The following ACYP2 variants were observed in gnomAD, a reference collection of about 807,000 sequenced individuals.
The protein encoded by ACYP2 is acylphosphatase-2.
ACYP2 carries 12 observed loss-of-function variants against 11.2 expected under a neutral mutation model. The observed-to-expected ratio is 1.08, with a 90% CI of 0.69 to 1.74. The LOEUF (loss-of-function observed/expected upper bound fraction) is 1.74. Ranked by LOEUF, ACYP2 falls within the 40% of genes most tolerant of loss-of-function variation. The pLI is 0.00. For synonymous variants in ACYP2, 43 were observed against 32.2 expected, an observed-to-expected ratio of 1.33 and a Z score of -1.13; for missense variants, 134 against 101.9, an observed-to-expected ratio of 1.31 and a Z score of -1.35.
chr2:53,977,734 C>CAA (rs56342315), intron 2 of ACYP2, among the ~76,000 whole-genome samples: 6 of 71,576 alleles, frequency 8.4e-5, no homozygotes, highest in Admixed American at 1.6e-4. Flanking sequence ...GACTCCATCT[C>CAA]AAAAAAAAAA....
chr2:54,002,175 C>G (rs1226836447), intron 2 of ACYP2, among the ~76,000 whole-genome samples: 1 of 152,182 alleles, frequency 6.6e-6, no homozygotes, highest in Non-Finnish European at 1.5e-5. Flanking sequence ...TCCTACTCTC[C>G]CTTAACACCT....
intron 5 of ACYP2, 89 bp downstream of exon 2, chr2:54,135,558 A>C: frequency 9.2e-7 from 1 of 1,086,266 alleles, no homozygotes; most frequent in Non-Finnish European, 1.4e-6. Flanking sequence ...ACTTGGCGCT[A>C]GTCTACTGTT....
chr2:54,194,704 G>C (rs1202002525), intron 6 of ACYP2, among the ~76,000 whole-genome samples: 1 of 151,710 alleles, frequency 6.6e-6, no homozygotes, highest in East Asian at 1.9e-4. Flanking sequence ...AACACTTTCT[G>C]TTGCTTTGTC....
intron 6 of ACYP2, among the ~76,000 whole-genome samples, chr2:54,178,340 G>T (rs1461412268): frequency 6.6e-6 from 1 of 152,098 alleles, no homozygotes; most frequent in Non-Finnish European, 1.5e-5. Context: ...TGGCTGGACC[G>T]TGAACCTTGA....
intron 2 of ACYP2, among the ~76,000 whole-genome samples, chr2:54,011,797 T>A (rs1051450027): frequency 6.6e-6 from 1 of 152,134 alleles, no homozygotes; most frequent in Non-Finnish European, 1.5e-5. Context: ...CTTGAGTAGC[T>A]CAGTAAGTTA....
chr2:54,095,383 C>A (rs1394213866), intron 4 of ACYP2, among the ~76,000 whole-genome samples: 1 of 152,278 alleles, frequency 6.6e-6, no homozygotes, highest in Non-Finnish European at 1.5e-5. Context: ...CTGGCCCGTT[C>A]TCAAGGAGCT....
At chr2:54,021,250 G>C (rs1213684305) in intron 2 of ACYP2, among the ~76,000 whole-genome samples, 2 of 152,148 alleles carry the variant, frequency 1.3e-5, no homozygotes, top group Non-Finnish European at 2.9e-5. Flanking sequence ...GCTGACCATG[G>C]GTGACTCAGG....
At chr2:54,089,017 G>T in intron 4 of ACYP2, among the ~76,000 whole-genome samples, 1 of 152,216 alleles carries the variant, frequency 6.6e-6, no homozygotes, top group East Asian at 1.9e-4. Context: ...TAGTAGGAAA[G>T]ATCAATAAAG....
intron 2 of ACYP2, among the ~76,000 whole-genome samples, chr2:54,035,009 CAAAAA>C (rs550142135): frequency 0.091 from 4,073 of 44,570 alleles, 147 homozygotes; most frequent in East Asian, 0.42. Context: ...GACTACATCT[CAAAAA>C]AAAAAAAAAA....
chr2:54,265,021 T>A (rs914847518), intron 6 of ACYP2, among the ~76,000 whole-genome samples: 1 of 152,166 alleles, frequency 6.6e-6, no homozygotes, highest in African/African-American at 2.4e-5. Context: ...AAAGAAAATA[T>A]AGCAAACTTT....
At chr2:54,274,625 CAAAAAAAAAA>C (rs70944155) in intron 6 of ACYP2, among the ~76,000 whole-genome samples, 19 of 37,690 alleles carry the variant, frequency 5.0e-4, no homozygotes, top group African/African-American at 1.7e-3. Context: ...GACTCCATCT[CAAAAAAAAAA>C]AAAAAAAAAA....
At chr2:54,071,196 G>A (rs1677023154) in intron 4 of ACYP2, among the ~76,000 whole-genome samples, 1 of 152,130 alleles carries the variant, frequency 6.6e-6, no homozygotes, top group Admixed American at 6.6e-5. Flanking sequence ...AATAGTGAAA[G>A]GCTGAAAGCT....
At chr2:54,230,523 C>T (rs1394021764) in intron 6 of ACYP2, among the ~76,000 whole-genome samples, 1 of 151,938 alleles carries the variant, frequency 6.6e-6, no homozygotes, top group African/African-American at 2.4e-5. Flanking sequence ...CGCCTGGCCA[C>T]ACCCGGCTAA....
At chr2:54,086,183 G>A (rs1677936248) in intron 4 of ACYP2, among the ~76,000 whole-genome samples, 1 of 152,258 alleles carries the variant, frequency 6.6e-6, no homozygotes, top group East Asian at 1.9e-4. Context: ...GACCTCAGGT[G>A]ATCCACCAGA....
chr2:54,252,947 A>C (rs756847872), intron 6 of ACYP2, among the ~76,000 whole-genome samples: 2 of 152,174 alleles, frequency 1.3e-5, no homozygotes, highest in African/African-American at 4.8e-5. Flanking sequence ...CAATTTCACA[A>C]AACAATCTCA....
chr2:54,241,370 A>C (rs1318130395), intron 6 of ACYP2, among the ~76,000 whole-genome samples: 2 of 152,192 alleles, frequency 1.3e-5, no homozygotes, highest in African/African-American at 4.8e-5. Flanking sequence ...GAACCGAAAA[A>C]TGAAGCCTTC....
chr2:54,220,326 T>C (rs1685750586), intron 6 of ACYP2, among the ~76,000 whole-genome samples: 1 of 152,198 alleles, frequency 6.6e-6, no homozygotes, highest in South Asian at 2.1e-4. Flanking sequence ...TTGAAAACAC[T>C]TGTGTGCTTT....
chr2:54,061,157 A>G (rs1178917087), intron 4 of ACYP2, among the ~76,000 whole-genome samples: 6 of 152,146 alleles, frequency 3.9e-5, no homozygotes, highest in Non-Finnish European at 8.8e-5. Context: ...TGTCTGGCCA[A>G]TCTGCCATAT....
chr2:54,229,887 T>A (rs1243538714), intron 6 of ACYP2, among the ~76,000 whole-genome samples: 1 of 152,206 alleles, frequency 6.6e-6, no homozygotes, highest in East Asian at 1.9e-4. Context: ...TTTGTCATGT[T>A]CTGTCCACTA....
Sources: gnomAD v4.1 joint callset for allele counts (sites outside exome capture counted in the v4.1 genomes callset) on GRCh38, gnomAD v4.1.1 for gene constraint, MANE v1.5 for transcripts, NCBI Gene and HGNC (gene_info 2026-07-23, HGNC 2026-07-21) for gene names.